GPC5: variants seen among roughly 807,000 people sequenced by gnomAD.
The protein encoded by GPC5 is glypican 5.
Under a neutral mutation model 53.9 loss-of-function variants are expected in GPC5, and 47 were observed. The ratio of observed to expected loss-of-function variants is 0.87; its 90% CI spans 0.69 to 1.11. The LOEUF is 1.11. GPC5 is among the 50% of genes most tolerant of loss of function. GPC5 has a pLI of 0.00. For missense variants in GPC5, 748 were observed against 713.1 expected, an observed-to-expected ratio of 1.05 and a Z score of -0.56; for synonymous variants, 286 against 263.3, an observed-to-expected ratio of 1.09 and a Z score of -0.84.
chr13:91,761,524 T>C (rs866976443), intron 5 of GPC5, among the ~76,000 whole-genome samples: 1 of 152,170 alleles, frequency 6.6e-6, no homozygotes, highest in East Asian at 1.9e-4. Context: ...CCAGAACTTC[T>C]GACCAACTGG....
intron 7 of GPC5, among the ~76,000 whole-genome samples, chr13:92,811,706 A>G (rs772006878): frequency 2.7e-4 from 41 of 152,002 alleles, no homozygotes; most frequent in Admixed American, 2.6e-3. Flanking sequence ...ATATTCCCCT[A>G]TATTTTTTTC....
intron 5 of GPC5, among the ~76,000 whole-genome samples, chr13:91,779,129 G>T (rs1367734741): frequency 6.6e-6 from 1 of 151,686 alleles, no homozygotes; most frequent in Non-Finnish European, 1.5e-5. Flanking sequence ...GTACACTACT[G>T]TAGATATTAT....
At chr13:91,624,374 T>G (rs1485512622) in intron 2 of GPC5, among the ~76,000 whole-genome samples, 2 of 152,138 alleles carry the variant, frequency 1.3e-5, no homozygotes, top group Non-Finnish European at 2.9e-5. Flanking sequence ...CAAGTGTGAA[T>G]ACACCAAACA....
intron 5 of GPC5, among the ~76,000 whole-genome samples, chr13:91,764,488 T>A (rs2037482146): frequency 1.3e-5 from 2 of 152,074 alleles, no homozygotes; most frequent in Admixed American, 6.5e-5. Context: ...CAGAATAAAA[T>A]CATGGCCAGC....
intron 7 of GPC5, among the ~76,000 whole-genome samples, chr13:92,421,402 T>C (rs1270973680): frequency 6.6e-6 from 1 of 152,060 alleles, no homozygotes; most frequent in Non-Finnish European, 1.5e-5. Context: ...GGGTAATTTA[T>C]AAAGAAAAGA....
At chr13:92,309,579 T>C (rs1028352327) in intron 7 of GPC5, among the ~76,000 whole-genome samples, 1 of 152,126 alleles carries the variant, frequency 6.6e-6, no homozygotes, top group African/African-American at 2.4e-5. Context: ...AAATATTTAA[T>C]GACATTTTTA....
At chr13:92,238,701 C>T (rs946235627) in intron 7 of GPC5, among the ~76,000 whole-genome samples, 2 of 151,680 alleles carry the variant, frequency 1.3e-5, no homozygotes, top group African/African-American at 4.8e-5. Context: ...TATTTTCTCC[C>T]TTTGTCTGGG....
At chr13:91,920,258 A>C (rs1233934735) in intron 6 of GPC5, among the ~76,000 whole-genome samples, 1 of 152,174 alleles carries the variant, frequency 6.6e-6, no homozygotes, top group Non-Finnish European at 1.5e-5. Flanking sequence ...AGAATCAATA[A>C]GAAAATAAAA....
chr13:91,997,244 C>T (rs1022636674), intron 6 of GPC5, among the ~76,000 whole-genome samples: 1 of 152,156 alleles, frequency 6.6e-6, no homozygotes, highest in South Asian at 2.1e-4. Flanking sequence ...ATCTATGATA[C>T]TGGATGAGGA....
intron 3 of GPC5, among the ~76,000 whole-genome samples, chr13:91,695,163 A>G (rs572951712): frequency 1.3e-5 from 2 of 152,158 alleles, no homozygotes; most frequent in East Asian, 3.9e-4. Flanking sequence ...GGGTATCCCT[A>G]TACAATTAAC....
chr13:91,908,846 T>A (rs1460022747), intron 6 of GPC5, among the ~76,000 whole-genome samples: 1 of 152,124 alleles, frequency 6.6e-6, no homozygotes, highest in Non-Finnish European at 1.5e-5. Flanking sequence ...AAACTTTGTA[T>A]GGGTAGTTGA....
At chr13:92,459,754 T>C (rs1033368988) in intron 7 of GPC5, among the ~76,000 whole-genome samples, 2 of 152,208 alleles carry the variant, frequency 1.3e-5, no homozygotes, top group Non-Finnish European at 2.9e-5. Context: ...ACTTTTGATA[T>C]ATAACCTATG....
intron 2 of GPC5, among the ~76,000 whole-genome samples, chr13:91,640,483 T>C (rs1275340027): frequency 6.6e-6 from 1 of 152,200 alleles, no homozygotes; most frequent in Non-Finnish European, 1.5e-5. Flanking sequence ...AAACAACAGA[T>C]GCTGGTGAGG....
At chr13:91,464,201 A>G (rs1882100456) in intron 2 of GPC5, among the ~76,000 whole-genome samples, 1 of 152,136 alleles carries the variant, frequency 6.6e-6, no homozygotes, top group South Asian at 2.1e-4. Context: ...CCTATCAAGT[A>G]TGGTGAAAAT....
chr13:92,552,898 A>G (rs1296125426), intron 7 of GPC5, among the ~76,000 whole-genome samples: 2 of 151,928 alleles, frequency 1.3e-5, no homozygotes, highest in Non-Finnish European at 2.9e-5. Flanking sequence ...TCTTACTTCT[A>G]AAGATTCTCA....
intron 2 of GPC5, among the ~76,000 whole-genome samples, chr13:91,518,842 C>T (rs1002217966): frequency 2.6e-5 from 4 of 152,116 alleles, no homozygotes; most frequent in East Asian, 1.9e-4. Context: ...TGTGAGCCAC[C>T]ACACCCGGCT....
intron 6 of GPC5, among the ~76,000 whole-genome samples, chr13:91,971,311 T>C (rs567180200): frequency 0.023 from 3,487 of 152,038 alleles, 131 homozygotes; most frequent in African/African-American, 0.08. Context: ...TCGGTGGTGA[T>C]ATCCCCTTTA....
At chr13:92,460,346 G>A (rs901377597) in intron 7 of GPC5, among the ~76,000 whole-genome samples, 1 of 151,998 alleles carries the variant, frequency 6.6e-6, no homozygotes, top group African/African-American at 2.4e-5. Flanking sequence ...GCATGTACAA[G>A]GCATACATTT....
chr13:92,319,188 G>C (rs759968783), intron 7 of GPC5, among the ~76,000 whole-genome samples: 2 of 152,064 alleles, frequency 1.3e-5, no homozygotes, highest in Non-Finnish European at 2.9e-5. Flanking sequence ...AATAATATCT[G>C]TTGTATTTCT....
Sources: allele counts gnomAD v4.1 joint callset (sites outside exome capture counted in the v4.1 genomes callset), GRCh38; gene constraint gnomAD v4.1.1; transcripts MANE v1.5; gene names NCBI Gene and HGNC (gene_info 2026-07-23, HGNC 2026-07-21).